DNMT3B: variants seen among roughly 807,000 people sequenced by gnomAD.
The protein encoded by DNMT3B is DNA (cytosine-5)-methyltransferase 3B.
DNMT3B carries 37 observed loss-of-function variants against 120.2 expected under a neutral mutation model. The observed-to-expected ratio is 0.31, with a 90% CI of 0.24 to 0.40. The LOEUF is 0.40. Among genes scored for constraint, DNMT3B ranks in the 10% least tolerant of loss-of-function variants. The probability of loss-of-function intolerance (pLI) is 1.00; values close to 1 mark genes in which losing one functional copy is unlikely to be tolerated. For missense variants in DNMT3B, 878 were observed against 1,137.3 expected, an observed-to-expected ratio of 0.77 and a Z score of 3.28; for synonymous variants, 412 against 442.8, an observed-to-expected ratio of 0.93 and a Z score of 0.87.
intron 9 of DNMT3B, 38 bp from the exon 10 acceptor site, chr20:32,793,498 A>C (rs1980231871): frequency 1.2e-6 from 2 of 1,608,018 alleles, no homozygotes; most frequent in Admixed American, 3.3e-5. Context: ...CATTTAATGT[A>C]ATGTTTTTTC....
intron 3 of DNMT3B, 84 bp downstream of exon 3, chr20:32,781,498 A>T (rs1978623182): frequency 6.9e-7 from 1 of 1,450,582 alleles, no homozygotes; most frequent in African/African-American, 1.4e-5. Context: ...GCCCATAAAA[A>T]CTGGCATCTG....
Position 32,780,440 on chromosome 20 carries a change from G to A in DNMT3B, c.117G>A (p.Glu39=). The A allele has an allele frequency of 6.2e-7, 1 of 1,613,588 alleles. No homozygotes were observed. Among genetic ancestry groups the A allele is most frequent in the South Asian group, 1.1e-5 (1 of 91,074 alleles). The change falls in exon 2 of 23, where the codon GAG becomes GAA. Residue 39 remains glutamate, a synonymous_variant. Coordinates refer to ENST00000328111, the MANE Select transcript of DNMT3B (RefSeq NM_006892.4). ...CCTCCGACTCGCCCCCAATCCTGGA[G>A]GCTATCCGCACCCCGGAGATCAGAG... The part of the protein sequence containing the change: ...DQSSDSPPIL[E]AIRTPEIRGR...
intron 1 of DNMT3B, chr20:32,780,035 G>T: frequency 1.9e-6 from 3 of 1,564,634 alleles, no homozygotes; most frequent in East Asian, 2.3e-5. Flanking sequence ...GCACAGAGCA[G>T]TCTGAGCCTG....
chr20:32,800,783 C>T, intron 17 of DNMT3B, 52 bp from the exon 18 acceptor site: 2 of 1,590,044 alleles, frequency 1.3e-6, no homozygotes, highest in East Asian at 2.2e-5. Context: ...GTGGGTCCAG[C>T]TCTCTTTCCC....
chr20:32,795,773 C>T (rs1980550972), intron 12 of DNMT3B, 79 bp downstream of exon 12: 2 of 1,573,000 alleles, frequency 1.3e-6, no homozygotes, highest in Admixed American at 3.3e-5. Flanking sequence ...GCTCATCCAC[C>T]CTGTCAGGGT....
intron 1 of DNMT3B, among the ~76,000 whole-genome samples, chr20:32,772,611 C>T (rs761936678): frequency 6.6e-6 from 1 of 150,850 alleles, no homozygotes; most frequent in African/African-American, 2.5e-5. Flanking sequence ...GGGGCTGCCA[C>T]ACCCTTCAAG....
chr20:32,767,294 C>T (rs903891841), intron 1 of DNMT3B, among the ~76,000 whole-genome samples: 2 of 150,534 alleles, frequency 1.3e-5, no homozygotes, highest in African/African-American at 2.4e-5. Context: ...CTCGTGTTCC[C>T]GCCAATATTA....
rs1242177818 is a variant in DNMT3B at position 32,791,630 on chromosome 20, G to A, written c.843G>A (p.Gly281=). Residue 281 remains glycine (G), a synonymous_variant, in exon 8 of 23, where the codon GGG becomes GGA. Coordinates refer to ENST00000328111, the MANE Select transcript of DNMT3B (RefSeq NM_006892.4). The stretch of plus-strand genomic sequence containing the variant: ...CTGCAGACAAACTGGTGGCACTGGG[G>A]CTGTTCAGCCAGCACTTTAATTTGG... The part of the protein sequence containing the change: ...EVSADKLVAL[G]LFSQHFNLAT... 1.2e-6 allele frequency: 2 copies of A among 1,614,030 alleles called. No individual in the cohort carries two copies. The highest frequency in any genetic ancestry group is 2.7e-5 in the African/African-American group (2 of 74,922).
In DNMT3B at chr20:32,762,439, C is replaced by A. The variant is rs751398063; in HGVS notation, c.-267C>A. ...GCCGCTTCCTCGCAGCAGCTGCTCCCGGCTCCGCGGCCGCAGCCCGCGTGG... is the reference window on the plus strand; with the variant it reads ...GCCGCTTCCTCGCAGCAGCTGCTCCAGGCTCCGCGGCCGCAGCCCGCGTGG... On this transcript the variant is annotated 5_prime_UTR_variant, in exon 1 of 23. Transcript: ENST00000328111. 2.5e-5 allele frequency: 4 copies of A among 159,052 alleles called. No homozygotes were observed. The highest frequency in any genetic ancestry group is 6.5e-5 in the Admixed American group (1 of 15,268). The allele number at this position is 159,052 out of a possible 1,614,324, so 9.9% of individuals were successfully genotyped here. A position where few individuals can be genotyped will look rare whatever the true frequency, so the allele number is the denominator to read the frequency against.
intron 6 of DNMT3B, among the ~76,000 whole-genome samples, chr20:32,788,646 C>T (rs907919093): frequency 2.6e-5 from 4 of 152,108 alleles, no homozygotes; most frequent in Admixed American, 6.6e-5. Context: ...CTGTGTTGCC[C>T]GGGCTGGTAT....
At position 32,780,016 on chromosome 20, in the gene DNMT3B, C is replaced by T. The variant is rs922264632; in HGVS notation, c.-6-302C>T. ...CCTAAATGGCATTGTTTGAAGGGGC[C>T]GGCTAATTGCACAGAGCAGTCTGAG... On this transcript the variant is annotated intron_variant, in intron 1 of 22. Coordinates refer to ENST00000328111, the MANE Select transcript of DNMT3B (RefSeq NM_006892.4). 3.1e-5 allele frequency: 46 copies of T among 1,479,544 alleles called. No individual in the cohort carries two copies. The African/African-American group carries it at 3.3e-4, about 11-fold the overall frequency. 91.7% of individuals were successfully genotyped at this position (1,479,544 alleles called of 1,614,324 possible).
At chr20:32,782,323 G>T (rs1978724004) in intron 3 of DNMT3B, among the ~76,000 whole-genome samples, 1 of 152,218 alleles carries the variant, frequency 6.6e-6, no homozygotes, top group South Asian at 2.1e-4. Flanking sequence ...TTTACTTCAA[G>T]TAAGGGATGG....
intron 20 of DNMT3B, among the ~76,000 whole-genome samples, chr20:32,804,801 C>T (rs1306567891): frequency 2.0e-5 from 3 of 151,164 alleles, no homozygotes; most frequent in African/African-American, 7.3e-5. Flanking sequence ...AAGCGATCCT[C>T]CTGCTTTGAA....
At chr20:32,807,127 G>T (rs77226987) in intron 22 of DNMT3B, among the ~76,000 whole-genome samples, 1 of 152,198 alleles carries the variant, frequency 6.6e-6, no homozygotes, top group East Asian at 1.9e-4. Flanking sequence ...CAGGCCTGAG[G>T]TATCACATCT....
At chr20:32,782,649 T>A (rs1014568663) in intron 3 of DNMT3B, among the ~76,000 whole-genome samples, 4 of 152,216 alleles carry the variant, frequency 2.6e-5, no homozygotes, top group African/African-American at 9.6e-5. Context: ...TAACAGTATA[T>A]TGTAATTGCT....
intron 10 of DNMT3B, among the ~76,000 whole-genome samples, chr20:32,794,600 G>A (rs921965966): frequency 6.6e-6 from 1 of 151,992 alleles, no homozygotes; most frequent in African/African-American, 2.4e-5. Context: ...GGAGGCGGAG[G>A]TTGCAGTGAG....
intron 1 of DNMT3B, among the ~76,000 whole-genome samples, chr20:32,774,806 G>A (rs1174196949): frequency 1.3e-5 from 2 of 151,766 alleles, no homozygotes; most frequent in African/African-American, 2.4e-5. Context: ...TGCAACCCCC[G>A]CCTCCCGGGT....
At chr20:32,794,790 TATATTTTACATATTAC>T (rs1346976776) in intron 10 of DNMT3B, among the ~76,000 whole-genome samples, 1 of 152,280 alleles carries the variant, frequency 6.6e-6, no homozygotes, top group Admixed American at 6.5e-5. Flanking sequence ...ACTTATTTTA[TATATTTTACATATTAC>T]ATATTTTACA....
At chr20:32,805,247 A>G in intron 20 of DNMT3B, 91 bp from the exon 21 acceptor site, 3 of 1,479,784 alleles carry the variant, frequency 2.0e-6, no homozygotes, top group Non-Finnish European at 1.9e-6. Flanking sequence ...GCCAGGGCAC[A>G]TCTCTGCAAC....
Sources: allele counts gnomAD v4.1 joint callset (sites outside exome capture counted in the v4.1 genomes callset), GRCh38; gene constraint gnomAD v4.1.1; transcripts MANE v1.5; gene names NCBI Gene and HGNC (gene_info 2026-07-23, HGNC 2026-07-21).